PTPRN2: variants seen among roughly 807,000 people sequenced by gnomAD.
The protein encoded by PTPRN2 is receptor-type tyrosine-protein phosphatase N2.
In PTPRN2, 74 loss-of-function variants were observed where a neutral mutation model predicts 118.8. That is an observed-to-expected ratio of 0.62 (90% confidence interval 0.52 to 0.76). PTPRN2 has a LOEUF of 0.76. Among genes scored for constraint, PTPRN2 ranks in the 30% least tolerant of loss-of-function variants. The probability of loss-of-function intolerance (pLI) is 0.00; values close to 1 mark genes in which losing one functional copy is unlikely to be tolerated. For synonymous variants in PTPRN2, 641 were observed against 608.0 expected (o/e 1.05, Z -0.80); for missense variants, 1,481 against 1,394.4 (o/e 1.06, Z -0.99).
chr7:157,653,451 T>A (rs1160678751), intron 14 of PTPRN2, among the ~76,000 whole-genome samples: 2 of 152,150 alleles, frequency 1.3e-5, no homozygotes, highest in African/African-American at 4.8e-5. Flanking sequence ...GCGACTCTGA[T>A]GCGTTCCTGC....
chr7:157,546,621 T>C (rs1357484225), intron 22 of PTPRN2, among the ~76,000 whole-genome samples: 2 of 152,280 alleles, frequency 1.3e-5, no homozygotes. Context: ...TTCCTTTTTA[T>C]GGCTGCATAG....
intron 9 of PTPRN2, among the ~76,000 whole-genome samples, chr7:158,126,105 C>G (rs1382000276): frequency 1.2e-3 from 138 of 112,754 alleles, no homozygotes; most frequent in African/African-American, 4.4e-3. Flanking sequence ...GCCCCCAGGA[C>G]AGCGGGCGGC....
chr7:158,449,939 A>C (rs1297785175), intron 2 of PTPRN2, among the ~76,000 whole-genome samples: 1 of 152,262 alleles, frequency 6.6e-6, no homozygotes, highest in Non-Finnish European at 1.5e-5. Flanking sequence ...CACAGCACAG[A>C]TGAACCTGGT....
intron 2 of PTPRN2, among the ~76,000 whole-genome samples, chr7:158,354,569 C>T (rs1808244674): frequency 1.3e-5 from 2 of 152,128 alleles, no homozygotes; most frequent in South Asian, 4.1e-4. Context: ...AAATTCATGA[C>T]AAGCTCCCAA....
chr7:158,207,206 CATT>C (rs1160349928), intron 3 of PTPRN2, among the ~76,000 whole-genome samples: 1 of 141,298 alleles, frequency 7.1e-6, no homozygotes, highest in African/African-American at 2.8e-5. Context: ...TCCGGTCTAT[CATT>C]GTTGGACATT....
intron 2 of PTPRN2, among the ~76,000 whole-genome samples, chr7:158,335,993 T>C (rs1428867074): frequency 1.3e-4 from 1 of 7,518 alleles, no homozygotes; most frequent in Non-Finnish European, 2.6e-4. Context: ...AGGTGACACC[T>C]GCAGACGTCA....
At chr7:158,186,734 C>T (rs989859347) in intron 5 of PTPRN2, among the ~76,000 whole-genome samples, 14 of 152,312 alleles carry the variant, frequency 9.2e-5, no homozygotes, top group African/African-American at 3.1e-4. Context: ...CATGAGTGCA[C>T]CTTTACTTTC....
intron 11 of PTPRN2, among the ~76,000 whole-genome samples, chr7:157,972,909 C>T (rs1316030382): frequency 2.0e-5 from 3 of 150,334 alleles, no homozygotes; most frequent in African/African-American, 4.9e-5. Context: ...AACTCCACAC[C>T]GTGAGAACAG....
intron 17 of PTPRN2, among the ~76,000 whole-genome samples, chr7:157,594,501 T>G (rs184224282): frequency 1.8e-4 from 27 of 152,280 alleles, no homozygotes; most frequent in South Asian, 1.0e-3. Context: ...GCCGCATGGG[T>G]GACGCGTCGC....
intron 11 of PTPRN2, among the ~76,000 whole-genome samples, chr7:157,932,657 G>A (rs1315317558): frequency 6.6e-6 from 1 of 151,932 alleles, no homozygotes; most frequent in Admixed American, 6.6e-5. Context: ...TGAGAGTGGG[G>A]TGAGTCACTC....
chr7:157,578,777 C>G (rs2150528875), intron 17 of PTPRN2, among the ~76,000 whole-genome samples: 1 of 152,342 alleles, frequency 6.6e-6, no homozygotes, highest in South Asian at 2.1e-4. Context: ...GTCCTCTGAC[C>G]TCGTTTCTTT....
At chr7:157,772,022 G>A (rs1042712761) in intron 12 of PTPRN2, among the ~76,000 whole-genome samples, 25 of 116,658 alleles carry the variant, frequency 2.1e-4, no homozygotes, top group East Asian at 1.6e-3. Context: ...ACAGACACAC[G>A]CACACACAGA....
intron 6 of PTPRN2, among the ~76,000 whole-genome samples, chr7:158,165,552 G>A (rs550425483): frequency 1.1e-3 from 164 of 152,368 alleles, no homozygotes; most frequent in African/African-American, 3.8e-3. Flanking sequence ...AAGAAAGAGC[G>A]AGGGCAGGAG....
intron 3 of PTPRN2, among the ~76,000 whole-genome samples, chr7:158,269,243 T>A (rs1319786188): frequency 6.6e-6 from 1 of 151,818 alleles, no homozygotes; most frequent in Non-Finnish European, 1.5e-5. Context: ...AAACCTCGTC[T>A]CCTCATCTAT....
At chr7:158,071,435 G>C (rs1585337390) in intron 11 of PTPRN2, among the ~76,000 whole-genome samples, 1 of 41,356 alleles carries the variant, frequency 2.4e-5, no homozygotes, top group Non-Finnish European at 4.6e-5. Flanking sequence ...AGGTGCTCGT[G>C]GTGGTGGAGG....
intron 11 of PTPRN2, among the ~76,000 whole-genome samples, chr7:157,945,510 C>A (rs546276315): frequency 6.6e-6 from 1 of 152,290 alleles, no homozygotes; most frequent in South Asian, 2.1e-4. Flanking sequence ...CCTGAACCTG[C>A]CGTTCCCAAC....
chr7:157,877,002 C>T (rs553611993), intron 12 of PTPRN2, among the ~76,000 whole-genome samples: 11 of 152,342 alleles, frequency 7.2e-5, no homozygotes, highest in South Asian at 2.1e-4. Context: ...CCTGGAGGAA[C>T]CCCAGGCCTG....
intron 3 of PTPRN2, among the ~76,000 whole-genome samples, chr7:158,278,740 G>A (rs564523677): frequency 6.6e-6 from 1 of 152,296 alleles, no homozygotes; most frequent in Admixed American, 6.5e-5. Context: ...CTTTCTTCCG[G>A]TGGGTTCATG....
In PTPRN2 at chr7:158,113,017, G is replaced by GC. The variant is rs548756325; in HGVS notation, c.1557-2103dup. 1.4e-3 allele frequency among the ~76,000 whole-genome samples: 217 copies of GC among 151,322 alleles called. 1 individual carries two copies. Among genetic ancestry groups the GC allele is most frequent in the African/African-American group, 4.6e-3 (191 of 41,158 alleles). The stretch of plus-strand genomic sequence containing the variant: ...CATTTAGGATCCCCCAGCATTGAGG[G>GC]CCCCCCGGCATTTAGGGCCCCCCAG... On this transcript the variant is annotated intron_variant, in intron 9 of 22. Transcript: ENST00000389418.
Sources: gnomAD v4.1 joint callset for allele counts (sites outside exome capture counted in the v4.1 genomes callset) on GRCh38, gnomAD v4.1.1 for gene constraint, MANE v1.5 for transcripts, NCBI Gene and HGNC (gene_info 2026-07-23, HGNC 2026-07-21) for gene names.